The following IFT43 variants were observed in gnomAD, a reference collection of about 807,000 sequenced individuals.
IFT43 encodes intraflagellar transport protein 43 homolog.
Under a neutral mutation model 32.3 loss-of-function variants are expected in IFT43, and 33 were observed. The observed-to-expected ratio is 1.02, with a 90% CI of 0.77 to 1.37. IFT43 has a LOEUF of 1.37. IFT43 is among the 40% of genes most tolerant of loss of function. The pLI is 0.00. For missense variants in IFT43, 274 were observed against 265.9 expected (o/e 1.03, Z -0.21); for synonymous variants, 93 against 98.2 (o/e 0.95, Z 0.31).
chr14:76,057,584 C>T (rs184188686), intron 3 of IFT43, among the ~76,000 whole-genome samples: 1 of 151,522 alleles, frequency 6.6e-6, no homozygotes, highest in East Asian at 1.9e-4. Flanking sequence ...TAGAATTCTA[C>T]TTTTGGCAGG....
At chr14:76,054,160 C>T (rs772541542) in intron 3 of IFT43, among the ~76,000 whole-genome samples, 1 of 152,166 alleles carries the variant, frequency 6.6e-6, no homozygotes, top group Non-Finnish European at 1.5e-5. Context: ...AAGTTACTAC[C>T]TCAGGGAGAT....
intron 2 of IFT43, among the ~76,000 whole-genome samples, chr14:76,004,020 C>T (rs532419650): frequency 6.6e-6 from 1 of 152,324 alleles, no homozygotes; most frequent in Non-Finnish European, 1.5e-5. Flanking sequence ...AAGTGATCCA[C>T]CTGCCTCGGC....
intron 1 of IFT43, chr14:75,986,337 C>T (rs2035526792): frequency 8.5e-7 from 1 of 1,181,788 alleles, no homozygotes; most frequent in Non-Finnish European, 1.1e-6. Flanking sequence ...TGGGAGTTAA[C>T]CTCAGTTACC....
At chr14:76,006,539 T>A (rs890278049) in intron 2 of IFT43, among the ~76,000 whole-genome samples, 2 of 152,194 alleles carry the variant, frequency 1.3e-5, no homozygotes, top group African/African-American at 2.4e-5. Flanking sequence ...TTTTTACTGA[T>A]AGGAGAAATC....
chr14:76,016,151 G>A (rs1341804289), intron 2 of IFT43, among the ~76,000 whole-genome samples: 1 of 152,094 alleles, frequency 6.6e-6, no homozygotes, highest in Non-Finnish European at 1.5e-5. Context: ...TTCATTTGCT[G>A]TGCAGAAGGT....
At chr14:76,074,928 G>A (rs548866221) in intron 5 of IFT43, among the ~76,000 whole-genome samples, 1 of 152,334 alleles carries the variant, frequency 6.6e-6, no homozygotes, top group South Asian at 2.1e-4. Context: ...GCTGTGAGGA[G>A]CAGTCAGCTA....
chr14:75,985,976 G>C (rs771672439), intron 1 of IFT43, 136 bp downstream of exon 1: 2 of 1,529,574 alleles, frequency 1.3e-6, no homozygotes, highest in Non-Finnish European at 1.8e-6. Flanking sequence ...GAAGGAGGCA[G>C]CCTCACCGCC....
At chr14:76,047,817 T>C (rs1398541538) in intron 3 of IFT43, among the ~76,000 whole-genome samples, 1 of 151,486 alleles carries the variant, frequency 6.6e-6, no homozygotes, top group Non-Finnish European at 1.5e-5. Flanking sequence ...GATAAACCAG[T>C]TGCAAGGAAG....
chr14:76,052,708 A>T (rs2036938351), intron 3 of IFT43, among the ~76,000 whole-genome samples: 1 of 152,214 alleles, frequency 6.6e-6, no homozygotes, highest in Non-Finnish European at 1.5e-5. Context: ...GAGCAAAAGA[A>T]TTTCAAAAAG....
chr14:75,996,982 T>C (rs2035759045), intron 2 of IFT43, among the ~76,000 whole-genome samples: 1 of 152,182 alleles, frequency 6.6e-6, no homozygotes, highest in South Asian at 2.1e-4. Flanking sequence ...CAGAGAAGTG[T>C]CAGGTAGAGG....
chr14:75,993,266 C>T (rs1052762407), intron 2 of IFT43, among the ~76,000 whole-genome samples: 4 of 152,102 alleles, frequency 2.6e-5, no homozygotes, highest in Admixed American at 1.3e-4. Context: ...AAATTTGGTT[C>T]GCATTTATAA....
At chr14:76,003,499 G>A (rs1278283660) in intron 2 of IFT43, among the ~76,000 whole-genome samples, 7 of 151,862 alleles carry the variant, frequency 4.6e-5, no homozygotes, top group Non-Finnish European at 8.8e-5. Flanking sequence ...GGTGACACAC[G>A]CCTGTAATCC....
chr14:75,986,250 C>T (rs1460863321), intron 1 of IFT43: 3 of 1,290,050 alleles, frequency 2.3e-6, no homozygotes, highest in Non-Finnish European at 3.0e-6. Context: ...GAAGTTCCTG[C>T]AAAAGCCGCA....
At chr14:76,083,977 C>T, downstream of IFT43, 2 of 459,574 alleles carry the variant, frequency 4.4e-6, no homozygotes, top group Admixed American at 2.3e-5. Context: ...CCCGTGGGTG[C>T]TCTGGGCCCT....
intron 5 of IFT43, among the ~76,000 whole-genome samples, chr14:76,060,245 T>G (rs1037957640): frequency 1.3e-5 from 2 of 152,036 alleles, no homozygotes; most frequent in African/African-American, 4.8e-5. Flanking sequence ...TGAGGCAGAG[T>G]CTCGCTGTGT....
At position 76,066,859 on chromosome 14, in the gene IFT43, G is replaced by A. The variant is rs183112683; in HGVS notation, c.295+7486G>A. On this transcript the variant is annotated intron_variant, in intron 5 of 8. Coordinates refer to ENST00000314067, the MANE Select transcript of IFT43 (RefSeq NM_001102564.3). ...TAAAGAATAGAAATGAGGATCTAAG[G>A]TCAGGGCCCCTTCCCAGTAGACAGT... Among the ~76,000 whole-genome samples, 6 of 152,266 alleles carry A rather than the reference G, an allele frequency of 3.9e-5. No homozygotes were observed. In the East Asian group the frequency reaches 1.2e-3, roughly 29 times the overall value.
chr14:75,999,245 AT>A (rs1406276030), intron 2 of IFT43, among the ~76,000 whole-genome samples: 3 of 23,160 alleles, frequency 1.3e-4, no homozygotes, highest in East Asian at 3.8e-4. Flanking sequence ...ATATATATAT[AT>A]ATATATATAT....
In IFT43 at chr14:76,083,619, T is replaced by C; in HGVS notation, c.*42T>C. On this transcript the variant is annotated 3_prime_UTR_variant, in exon 9 of 9. Transcript: ENST00000314067. ...CTAGACATGAAGAAATGCAATGAGC[T>C]TAAAGCTAAAGAAGCTTGTAAGCAG... is the stretch of plus-strand genomic sequence containing the variant. 1 of 1,605,396 alleles carries C rather than the reference T, an allele frequency of 6.2e-7. No individual in the cohort carries two copies. The highest frequency in any genetic ancestry group is 2.2e-5 in the East Asian group (1 of 44,854).
chr14:76,030,134 G>T lies in IFT43; in HGVS notation c.215+7740G>T, dbSNP rs75002882. ...AACTCCTGGCAATCGTCCTACTTTG[G>T]CCTCCCCAAGTGCTGAGATTATAGC... On this transcript the variant is annotated intron_variant, in intron 3 of 8. Coordinates refer to ENST00000314067, the MANE Select transcript of IFT43 (RefSeq NM_001102564.3). Among the ~76,000 whole-genome samples, 1,391 of 152,040 alleles carry T rather than the reference G, an allele frequency of 9.1e-3. 16 individuals carry two copies. Among genetic ancestry groups the T allele is most frequent in the South Asian group, 0.034 (164 of 4,814 alleles).
Sources: gnomAD v4.1 joint callset for allele counts (sites outside exome capture counted in the v4.1 genomes callset) on GRCh38, gnomAD v4.1.1 for gene constraint, MANE v1.5 for transcripts, NCBI Gene and HGNC (gene_info 2026-07-23, HGNC 2026-07-21) for gene names.